The following PGPEP1L variants were observed in gnomAD, a reference collection of about 807,000 sequenced individuals.
PGPEP1L encodes the protein pyroglutamyl-peptidase 1-like protein.
Under a neutral mutation model 6.0 loss-of-function variants are expected in PGPEP1L, and 7 were observed. The ratio of observed to expected loss-of-function variants is 1.17; its 90% confidence interval spans 0.66 to 2.19. PGPEP1L has a LOEUF of 2.19. PGPEP1L is among the 30% of genes most tolerant of loss of function. PGPEP1L has a pLI of 0.00. For synonymous variants in PGPEP1L, 103 were observed against 83.9 expected (o/e 1.23, Z -1.24); for missense variants, 209 against 192.5 (o/e 1.09, Z -0.51).
rs1363821454 is a variant in PGPEP1L at position 98,998,984 on chromosome 15, C to CA, written c.-142+6444dup. On this transcript the variant is annotated intron_variant, in intron 2 of 4. Transcript: ENST00000535714. Reference sequence around the variant, plus strand: ...AGCAAAACTGTTTCAGAAAAACAAACAAAAAACTAAGTTTTTTGGGGGGAA... The same window carrying CA: ...AGCAAAACTGTTTCAGAAAAACAAACAAAAAAACTAAGTTTTTTGGGGGGAA... 5.9e-5 allele frequency among the ~76,000 whole-genome samples: 9 copies of CA among 152,136 alleles called. No homozygotes were observed. In the South Asian group the frequency reaches 1.7e-3, roughly 28 times the overall value.
chr15:99,000,329 C>T (rs1275955982), intron 2 of PGPEP1L, among the ~76,000 whole-genome samples: 4 of 152,354 alleles, frequency 2.6e-5, no homozygotes, highest in Middle Eastern at 3.4e-3. Flanking sequence ...CCCAGACAAG[C>T]TGGCCCCCTG....
chr15:98,976,401 T>A (rs2017570318), intron 2 of PGPEP1L, among the ~76,000 whole-genome samples: 1 of 152,220 alleles, frequency 6.6e-6, no homozygotes. Flanking sequence ...GGATTTTAAC[T>A]AAGCATACTC....
chr15:99,002,293 G>C (rs564485184), intron 2 of PGPEP1L, among the ~76,000 whole-genome samples: 4 of 152,290 alleles, frequency 2.6e-5, no homozygotes, highest in African/African-American at 9.6e-5. Context: ...ATTGTACCCA[G>C]CCTACATAAA....
intron 2 of PGPEP1L, among the ~76,000 whole-genome samples, chr15:98,980,832 T>C (rs1243743116): frequency 6.6e-6 from 1 of 151,794 alleles, no homozygotes; most frequent in Non-Finnish European, 1.5e-5. Flanking sequence ...TTCAGGAGGC[T>C]GAGCCAGGAG....
intron 2 of PGPEP1L, among the ~76,000 whole-genome samples, chr15:99,001,664 A>G (rs1324301078): frequency 4.0e-5 from 6 of 151,834 alleles, no homozygotes; most frequent in African/African-American, 1.5e-4. Context: ...AAAAGAACCA[A>G]TCTCAAAAGG....
intron 2 of PGPEP1L, among the ~76,000 whole-genome samples, chr15:98,994,379 C>T (rs534795188): frequency 3.9e-5 from 6 of 152,212 alleles, no homozygotes; most frequent in East Asian, 3.9e-4. Flanking sequence ...ACTGGCCCGG[C>T]GTGGTGGCTC....
At chr15:98,997,828 C>T (rs994594443) in intron 2 of PGPEP1L, among the ~76,000 whole-genome samples, 8 of 152,090 alleles carry the variant, frequency 5.3e-5, no homozygotes, top group South Asian at 2.1e-4. Flanking sequence ...ATAGAAACCT[C>T]GCTCTGGGCC....
At chr15:98,986,629 A>C (rs971381793) in intron 2 of PGPEP1L, among the ~76,000 whole-genome samples, 1 of 143,610 alleles carries the variant, frequency 7.0e-6, no homozygotes, top group Non-Finnish European at 1.5e-5. Context: ...CTCCTAAATT[A>C]ATAGCCATTT....
chr15:98,993,152 C>T (rs1156889761), intron 2 of PGPEP1L, among the ~76,000 whole-genome samples: 2 of 150,522 alleles, frequency 1.3e-5, no homozygotes, highest in African/African-American at 4.8e-5. Context: ...AAGAAACTAT[C>T]ATCAGAGTGA....
At position 98,969,496 on chromosome 15, in the gene PGPEP1L, G is replaced by C. The variant is rs1259970580; in HGVS notation, c.138C>G (p.Val46=). The C allele has an allele frequency of 6.2e-7, 1 of 1,614,068 alleles. No individual in the cohort carries two copies. Among genetic ancestry groups the C allele is most frequent in the Non-Finnish European group, 8.5e-7 (1 of 1,179,918 alleles). Residue 46 remains valine, a synonymous_variant, in exon 4 of 5, where the codon GTC becomes GTG. Transcript: ENST00000535714. ...CGCGCTTGCAGACTGCCTTCATGCAGACCCCTGACTCCAGCACGTCTGGGC... is the reference window on the plus strand; with the variant it reads ...CGCGCTTGCAGACTGCCTTCATGCACACCCCTGACTCCAGCACGTCTGGGC... ...PGSPDVLESG[V]CMKAVCKRVA... is the part of the protein sequence containing the mutation.
At chr15:99,007,140 T>C (rs2018084025) in intron 1 of PGPEP1L, among the ~76,000 whole-genome samples, 1 of 152,222 alleles carries the variant, frequency 6.6e-6, no homozygotes, top group Non-Finnish European at 1.5e-5. Context: ...TGCAGGCCTC[T>C]TCACTGCCAA....
At chr15:98,995,021 G>C (rs76119568) in intron 2 of PGPEP1L, among the ~76,000 whole-genome samples, 1 of 152,050 alleles carries the variant, frequency 6.6e-6, no homozygotes, top group African/African-American at 2.4e-5. Flanking sequence ...ATGTGTATCC[G>C]TGTGGATCTT....
rs2663111 is a variant in PGPEP1L, at chr15:99,007,769, A to G, written c.-780T>C. 5.3e-5 allele frequency: 8 copies of G among 151,990 alleles called. No individual in the cohort carries two copies. Among genetic ancestry groups the G allele is most frequent in the Admixed American group, 1.3e-4 (2 of 15,266 alleles). The allele number at this position is 151,990 out of a possible 1,614,324, so 9.4% of individuals were successfully genotyped here. On this transcript the variant is annotated 5_prime_UTR_variant, in exon 1 of 5. Coordinates refer to ENST00000535714, the MANE Select transcript of PGPEP1L (RefSeq NM_001167902.2). Reference sequence around the variant, plus strand: ...CAAAACAACAAAACTTCCACAGCACAGAAGGCGACTCCAGCAAGTTGCTAC... The same window carrying G: ...CAAAACAACAAAACTTCCACAGCACGGAAGGCGACTCCAGCAAGTTGCTAC...
chr15:98,968,799 G>A (rs1012548179), intron 4 of PGPEP1L, 102 bp from the exon 5 acceptor site: 5 of 1,048,018 alleles, frequency 4.8e-6, no homozygotes, highest in Non-Finnish European at 7.0e-6. Flanking sequence ...CCTGAGGAGG[G>A]AGCACTGCCA....
intron 2 of PGPEP1L, among the ~76,000 whole-genome samples, chr15:98,997,818 A>G (rs1370933387): frequency 1.3e-5 from 2 of 152,074 alleles, no homozygotes; most frequent in African/African-American, 2.4e-5. Flanking sequence ...GACACAGACA[A>G]TAGAAACCTC....
intron 2 of PGPEP1L, among the ~76,000 whole-genome samples, chr15:98,988,311 G>C (rs2017775822): frequency 6.6e-6 from 1 of 152,088 alleles, no homozygotes; most frequent in Non-Finnish European, 1.5e-5. Flanking sequence ...GGGGGGAGGG[G>C]CGTCCACCAT....
chr15:98,979,630 ATTCTTTTT>A (rs2017626962), intron 2 of PGPEP1L, among the ~76,000 whole-genome samples: 16 of 105,928 alleles, frequency 1.5e-4, no homozygotes, highest in African/African-American at 4.2e-4. Flanking sequence ...ATTGGAGACT[ATTCTTTTT>A]TTTTTTTTTT....
chr15:98,971,378 C>T (rs2017494771), intron 2 of PGPEP1L, among the ~76,000 whole-genome samples: 1 of 152,162 alleles, frequency 6.6e-6, no homozygotes, highest in African/African-American at 2.4e-5. Flanking sequence ...TCTGTAATCC[C>T]AGCTACTTGG....
chr15:98,978,729 T>A (rs57940776), intron 2 of PGPEP1L, among the ~76,000 whole-genome samples: 2,818 of 27,648 alleles, frequency 0.1, 29 homozygotes, highest in East Asian at 0.3. Context: ...TATATATATT[T>A]TTTTTTTTTT....
Sources: allele counts gnomAD v4.1 joint callset (sites outside exome capture counted in the v4.1 genomes callset), GRCh38; gene constraint gnomAD v4.1.1; transcripts MANE v1.5; gene names NCBI Gene and HGNC (gene_info 2026-07-23, HGNC 2026-07-21).